The following ITCH variants were observed in gnomAD, a reference collection of about 807,000 sequenced individuals.
The protein encoded by ITCH is E3 ubiquitin-protein ligase Itchy homolog.
In ITCH, 28 loss-of-function variants were observed where a neutral mutation model predicts 126.8. That is an observed-to-expected ratio of 0.22 (90% CI 0.16 to 0.30). The LOEUF is 0.30. Ranked by LOEUF, ITCH falls within the 10% of genes least tolerant of loss-of-function variation. The probability of loss-of-function intolerance (pLI) is 1.00; values close to 1 mark genes in which losing one functional copy is unlikely to be tolerated. For missense variants in ITCH, 631 were observed against 1,032.4 expected, an observed-to-expected ratio of 0.61 and a Z score of 5.33; for synonymous variants, 342 against 340.0, an observed-to-expected ratio of 1.01 and a Z score of -0.06.
At chr20:34,481,780 A>G (rs565729953) in intron 20 of ITCH, among the ~76,000 whole-genome samples, 43 of 152,216 alleles carry the variant, frequency 2.8e-4, no homozygotes, top group Non-Finnish European at 5.3e-4. Flanking sequence ...TGGAAGGCCA[A>G]GGCAGGCAGA....
intron 22 of ITCH, among the ~76,000 whole-genome samples, chr20:34,491,007 A>C (rs977092319): frequency 6.6e-6 from 1 of 152,232 alleles, no homozygotes; most frequent in Non-Finnish European, 1.5e-5. Context: ...AAATGCATTT[A>C]ATACCCTTAT....
chr20:34,428,620 G>C (rs989238800), intron 7 of ITCH, among the ~76,000 whole-genome samples: 1 of 152,116 alleles, frequency 6.6e-6, no homozygotes, highest in Non-Finnish European at 1.5e-5. Context: ...CTCTCGCTCT[G>C]TTGCCCAGGC....
At chr20:34,410,210 A>G (rs1002480108) in intron 4 of ITCH, among the ~76,000 whole-genome samples, 1 of 151,954 alleles carries the variant, frequency 6.6e-6, no homozygotes, top group African/African-American at 2.4e-5. Context: ...TCTACTAAAA[A>G]TACAAAAATT....
At position 34,457,377 on chromosome 20, in the gene ITCH, G is replaced by C; in HGVS notation, c.1211-13G>C. ...TAATGCTTTGCTTTCCCCTGCCCCT[G>C]CCCTTCCCAAAGAGAAGAGAACAGA... On this transcript the variant is annotated splice_polypyrimidine_tract_variant and intron_variant, in intron 12 of 24. Transcript: ENST00000374864. 6.3e-7 allele frequency: 1 copy of C among 1,597,358 alleles called. No individual in the cohort carries two copies. Among genetic ancestry groups the C allele is most frequent in the Non-Finnish European group, 8.6e-7 (1 of 1,165,192 alleles).
At chr20:34,398,147 T>G (rs1302891451) in intron 3 of ITCH, among the ~76,000 whole-genome samples, 1 of 151,302 alleles carries the variant, frequency 6.6e-6, no homozygotes, top group African/African-American at 2.4e-5. Flanking sequence ...ACTGCAACCT[T>G]GATCTCCTGG....
At chr20:34,401,777 C>G (rs2038894922) in intron 3 of ITCH, 1 of 261,596 alleles carries the variant, frequency 3.8e-6, no homozygotes, top group Non-Finnish European at 5.9e-6. Context: ...GAAAAAAAAC[C>G]ACTAAGATGT....
intron 17 of ITCH, 68 bp downstream of exon 17, chr20:34,477,928 A>T: frequency 1.9e-6 from 3 of 1,595,804 alleles, no homozygotes; most frequent in Non-Finnish European, 2.6e-6. Context: ...CTTCGCTTGC[A>T]AGTATTATTT....
intron 12 of ITCH, among the ~76,000 whole-genome samples, chr20:34,455,375 T>C (rs746290945): frequency 1.1e-4 from 17 of 152,212 alleles, no homozygotes; most frequent in Non-Finnish European, 1.8e-4. Context: ...GAAGAATTCA[T>C]TGGTAATGGG....
chr20:34,404,570 C>T (rs1173055151), intron 3 of ITCH, among the ~76,000 whole-genome samples: 1 of 151,996 alleles, frequency 6.6e-6, no homozygotes, highest in Non-Finnish European at 1.5e-5. Flanking sequence ...CAGGCGCCTG[C>T]CACCATGTCT....
At chr20:34,414,266 A>G (rs1249121268) in intron 6 of ITCH, among the ~76,000 whole-genome samples, 1 of 152,030 alleles carries the variant, frequency 6.6e-6, no homozygotes, top group African/African-American at 2.4e-5. Context: ...ACATAAGTTG[A>G]AAAATTAGCC....
intron 3 of ITCH, among the ~76,000 whole-genome samples, chr20:34,406,884 G>C (rs1377462115): frequency 6.6e-6 from 1 of 152,092 alleles, no homozygotes; most frequent in Non-Finnish European, 1.5e-5. Flanking sequence ...ACAACTCCAA[G>C]GGTTCCTTAA....
chr20:34,507,595 AT>A, intron 24 of ITCH, 99 bp from the exon 25 acceptor site: 2 of 888,306 alleles, frequency 2.3e-6, no homozygotes, highest in South Asian at 2.8e-5. Context: ...ACAGTAGTAT[AT>A]TTTTGTGCTT....
Position 34,435,550 on chromosome 20 carries a change from C to A in ITCH, c.522-2924C>A, listed in dbSNP as rs1319513742. Among the ~76,000 whole-genome samples, 4 of 152,172 alleles carry A rather than the reference C, an allele frequency of 2.6e-5. No homozygotes were observed. The East Asian group carries it at 7.7e-4, about 29-fold the overall frequency. The stretch of plus-strand genomic sequence containing the variant: ...GTGAAAACCTCTGACCTTTTCTTTA[C>A]TGGGCCCAGTGGAAAATTTATTAGA... On this transcript the variant is annotated intron_variant, in intron 7 of 24. Coordinates refer to ENST00000374864, the MANE Select transcript of ITCH (RefSeq NM_031483.7).
chr20:34,505,745 G>A (rs1267632741), intron 24 of ITCH, among the ~76,000 whole-genome samples: 1 of 151,850 alleles, frequency 6.6e-6, no homozygotes, highest in Non-Finnish European at 1.5e-5. Context: ...TAGTAGAGAC[G>A]GGGTTTCACC....
rs1037193507 is a variant in ITCH at position 34,510,429 on chromosome 20, A to G, written c.*2635A>G. The G allele has an allele frequency of 1.3e-5, 2 of 148,482 alleles. No individual in the cohort carries two copies. The highest frequency in any genetic ancestry group is 5.0e-5 in the African/African-American group (2 of 40,260). The allele number at this position is 148,482 out of a possible 1,614,324, so 9.2% of individuals were successfully genotyped here. A position where few individuals can be genotyped will look rare whatever the true frequency, so the allele number is the denominator to read the frequency against. ...TTTCTTTGTAAGCATTGTAAATGCT[A>G]ATAAATCCTGTTAATTTTTTTTTTT... is the stretch of plus-strand genomic sequence containing the variant. On this transcript the variant is annotated 3_prime_UTR_variant, in exon 25 of 25. Coordinates refer to ENST00000374864, the MANE Select transcript of ITCH (RefSeq NM_031483.7).
chr20:34,369,021 G>A (rs2037521812), intron 1 of ITCH, among the ~76,000 whole-genome samples: 1 of 152,168 alleles, frequency 6.6e-6, no homozygotes, highest in Non-Finnish European at 1.5e-5. Context: ...GGTCGTTGCA[G>A]ATCTGATGTG....
chr20:34,476,508 A>G (rs1600446897), intron 16 of ITCH: 4 of 1,165,882 alleles, frequency 3.4e-6, no homozygotes, highest in South Asian at 8.7e-5. Context: ...GGAATTATTT[A>G]AAGATAGTTT....
intron 12 of ITCH, among the ~76,000 whole-genome samples, chr20:34,451,289 CA>C (rs1234630566): frequency 0.05 from 3,548 of 71,170 alleles, 69 homozygotes; most frequent in African/African-American, 0.11. Flanking sequence ...GACTCCGTCT[CA>C]AAAAAAAAAA....
intron 21 of ITCH, 99 bp downstream of exon 21, chr20:34,489,485 A>AT: frequency 8.4e-7 from 1 of 1,186,086 alleles, no homozygotes; most frequent in Non-Finnish European, 1.2e-6. Context: ...TTACTGTAAT[A>AT]TTTTTATACT....
Sources: allele counts gnomAD v4.1 joint callset (sites outside exome capture counted in the v4.1 genomes callset), GRCh38; gene constraint gnomAD v4.1.1; transcripts MANE v1.5; gene names NCBI Gene and HGNC (gene_info 2026-07-23, HGNC 2026-07-21).